SMOC1: variants seen among roughly 807,000 people sequenced by gnomAD.
SMOC1 encodes SPARC related modular calcium binding 1.
In SMOC1, 22 loss-of-function variants were observed where a neutral mutation model predicts 56.3. The observed-to-expected ratio is 0.39, with a 90% confidence interval of 0.28 to 0.56. SMOC1 has a LOEUF of 0.56. Among genes scored for constraint, SMOC1 ranks in the 20% least tolerant of loss-of-function variants. The pLI is 0.61. For missense variants in SMOC1, 509 were observed against 565.4 expected (o/e 0.90, Z 1.01); for synonymous variants, 193 against 215.0 (o/e 0.90, Z 0.89).
intron 1 of SMOC1, among the ~76,000 whole-genome samples, chr14:69,907,548 A>G (rs1049389668): frequency 6.6e-6 from 1 of 152,208 alleles, no homozygotes; most frequent in African/African-American, 2.4e-5. Flanking sequence ...GAGACAACAA[A>G]GGTGTGGGCC....
At chr14:69,923,743 G>T (rs1258987486) in intron 1 of SMOC1, among the ~76,000 whole-genome samples, 1 of 152,192 alleles carries the variant, frequency 6.6e-6, no homozygotes, top group East Asian at 1.9e-4. Context: ...TCTAGCTGCA[G>T]ACAGTACCCA....
chr14:69,906,783 T>C (rs942548473), intron 1 of SMOC1, among the ~76,000 whole-genome samples: 10 of 152,152 alleles, frequency 6.6e-5, no homozygotes, highest in African/African-American at 2.4e-4. Context: ...CATTAGTGAC[T>C]TCAATAGGAA....
chr14:69,934,620 C>T (rs1301715212), intron 1 of SMOC1, among the ~76,000 whole-genome samples: 1 of 152,162 alleles, frequency 6.6e-6, no homozygotes, highest in African/African-American at 2.4e-5. Flanking sequence ...TAGTCCTACT[C>T]CTCTCCTTTT....
At chr14:69,937,679 C>T (rs1195934925) in intron 1 of SMOC1, among the ~76,000 whole-genome samples, 1 of 152,148 alleles carries the variant, frequency 6.6e-6, no homozygotes, top group African/African-American at 2.4e-5. Context: ...GCGCCACCGC[C>T]AGTCCCACAC....
intron 1 of SMOC1, among the ~76,000 whole-genome samples, chr14:69,945,953 G>A (rs1882765606): frequency 2.0e-5 from 3 of 152,158 alleles, no homozygotes; most frequent in African/African-American, 7.2e-5. Flanking sequence ...TTTAGATATT[G>A]GTTAAGTCAG....
intron 7 of SMOC1, among the ~76,000 whole-genome samples, chr14:70,001,130 G>GC (rs779542839): frequency 1.1e-4 from 17 of 152,242 alleles, no homozygotes; most frequent in Admixed American, 5.2e-4. Context: ...TTTGGATCTG[G>GC]CCCCTGAGTC....
chr14:70,021,081 G>C (rs1167533052), intron 10 of SMOC1, among the ~76,000 whole-genome samples: 4 of 152,190 alleles, frequency 2.6e-5, no homozygotes, highest in African/African-American at 7.2e-5. Context: ...GAGCCTAAAG[G>C]TTAAAGGAAG....
At chr14:69,987,737 G>A (rs1393640877) in intron 5 of SMOC1, among the ~76,000 whole-genome samples, 2 of 152,198 alleles carry the variant, frequency 1.3e-5, no homozygotes, top group East Asian at 1.9e-4. Flanking sequence ...ATGTCAATCA[G>A]GAATCAAAAA....
At chr14:69,931,971 C>T (rs1384391755) in intron 1 of SMOC1, among the ~76,000 whole-genome samples, 1 of 152,102 alleles carries the variant, frequency 6.6e-6, no homozygotes, top group Admixed American at 6.5e-5. Flanking sequence ...GCAGGTGTCG[C>T]GCAGGGAGCG....
At chr14:70,014,871 C>G (rs1885452393) in intron 10 of SMOC1, among the ~76,000 whole-genome samples, 1 of 152,154 alleles carries the variant, frequency 6.6e-6, no homozygotes, top group Non-Finnish European at 1.5e-5. Context: ...TTGGAAGGAC[C>G]CCAGCATAGC....
chr14:69,960,922 G>A (rs1402263395), intron 3 of SMOC1, among the ~76,000 whole-genome samples: 1 of 151,944 alleles, frequency 6.6e-6, no homozygotes, highest in East Asian at 1.9e-4. Flanking sequence ...TATAATTTGT[G>A]CATCATAAAA....
chr14:70,003,631 G>A (rs112849449), intron 7 of SMOC1, among the ~76,000 whole-genome samples: 3 of 152,138 alleles, frequency 2.0e-5, no homozygotes, highest in Admixed American at 1.3e-4. Flanking sequence ...CACCAGAGAC[G>A]GGTGTGGTGA....
intron 7 of SMOC1, among the ~76,000 whole-genome samples, chr14:70,008,329 A>G (rs563616912): frequency 1.3e-5 from 2 of 152,262 alleles, no homozygotes; most frequent in African/African-American, 4.8e-5. Flanking sequence ...TTGTAAAGAC[A>G]TAGTCTTGCT....
At chr14:69,963,734 C>T (rs1428694093) in intron 3 of SMOC1, among the ~76,000 whole-genome samples, 1 of 152,200 alleles carries the variant, frequency 6.6e-6, no homozygotes, top group African/African-American at 2.4e-5. Flanking sequence ...ATATCATTTG[C>T]AGTGAGTGAA....
intron 11 of SMOC1, among the ~76,000 whole-genome samples, chr14:70,029,838 A>G (rs1042306245): frequency 3.9e-5 from 6 of 152,208 alleles, no homozygotes; most frequent in Non-Finnish European, 8.8e-5. Context: ...GTCAGTGCCA[A>G]TGGGATTCTG....
At chr14:69,929,456 G>A (rs746824048) in intron 1 of SMOC1, among the ~76,000 whole-genome samples, 13 of 152,164 alleles carry the variant, frequency 8.5e-5, no homozygotes, top group South Asian at 6.2e-4. Context: ...AAGGTCATGC[G>A]GCAAGTAAGT....
At chr14:69,894,571 G>A (rs1227582098) in intron 1 of SMOC1, among the ~76,000 whole-genome samples, 1 of 152,178 alleles carries the variant, frequency 6.6e-6, no homozygotes, top group African/African-American at 2.4e-5. Flanking sequence ...GTAAGAGAGT[G>A]GAAGGGATGC....
chr14:70,010,791 C>T lies in SMOC1; in HGVS notation c.702C>T (p.Ala234=), dbSNP rs3825739. ...CGTGTGACCAGGAGAGGCAGAGTGC[C>T]CTGGAAGAGGCCCAGCAGAATCCCC... is the stretch of plus-strand genomic sequence containing the variant. ...VYSCDQERQS[A]LEEAQQNPRE... is the part of the protein sequence containing the mutation. The change falls in exon 8 of 12, where the codon GCC becomes GCT. Residue 234 remains alanine (A), a synonymous_variant. Coordinates refer to ENST00000361956, the MANE Select transcript of SMOC1 (RefSeq NM_001034852.3). The T allele has an allele frequency of 0.19, 306,850 of 1,613,988 alleles. 32,293 individuals carry two copies. The highest frequency in any genetic ancestry group is 0.41 in the East Asian group (18,315 of 44,866).
In SMOC1 at chr14:69,904,690, C is replaced by T. The variant is rs561360616; in HGVS notation, c.99+24913C>T. On this transcript the variant is annotated intron_variant, in intron 1 of 11. Transcript: ENST00000361956. Reference sequence around the variant, plus strand: ...AGCATGGGCCCTGGAGTCAGACCTTCGTGGGCTCAAAGGCTGGCTCTGCCA... The same window carrying T: ...AGCATGGGCCCTGGAGTCAGACCTTTGTGGGCTCAAAGGCTGGCTCTGCCA... 1.3e-3 allele frequency among the ~76,000 whole-genome samples: 202 copies of T among 152,340 alleles called. 1 individual carries two copies. The South Asian group carries it at 0.014, about 10-fold the overall frequency.
Sources: allele counts gnomAD v4.1 joint callset (sites outside exome capture counted in the v4.1 genomes callset), GRCh38; gene constraint gnomAD v4.1.1; transcripts MANE v1.5; gene names NCBI Gene and HGNC (gene_info 2026-07-23, HGNC 2026-07-21).